Variants in RNPEP observed in about 807,000 individuals in gnomAD.
RNPEP encodes the protein aminopeptidase B.
RNPEP carries 57 observed loss-of-function variants against 70.1 expected under a neutral mutation model. That is an observed-to-expected ratio of 0.81 (90% CI 0.66 to 1.01). The LOEUF is 1.01. Among genes scored for constraint, RNPEP ranks in the 50% least tolerant of loss-of-function variants. The pLI, the probability that RNPEP is intolerant of heterozygous loss-of-function variation, is 0.00. For missense variants in RNPEP, 787 were observed against 852.4 expected, an observed-to-expected ratio of 0.92 and a Z score of 0.96; for synonymous variants, 335 against 357.4, an observed-to-expected ratio of 0.94 and a Z score of 0.71.
chr1:201,992,579 T>C (rs112408381), intron 3 of RNPEP, among the ~76,000 whole-genome samples: 15 of 152,146 alleles, frequency 9.9e-5, no homozygotes, highest in African/African-American at 3.6e-4. Context: ...GCAGCCTCCC[T>C]TCCGGCAAGC....
chr1:201,983,282 T>G lies in RNPEP; in HGVS notation c.447+169T>G, dbSNP rs1683007230. 4 of 1,441,660 alleles carry G rather than the reference T, an allele frequency of 2.8e-6. No homozygotes were observed. The East Asian group carries it at 7.6e-5, about 27-fold the overall frequency. The allele number at this position is 1,441,660 out of a possible 1,614,324, so 89.3% of individuals were successfully genotyped here. On this transcript the variant is annotated intron_variant, in intron 1 of 10. Coordinates refer to ENST00000295640, the MANE Select transcript of RNPEP (RefSeq NM_020216.4). ...CCGCCTCTAGGCCTCCTCCCCTTGC[T>G]TCCTCTTTTCCTCCCGGGCTGCCTG...
At chr1:201,996,507 G>GTGTGTA (rs1290213716) in intron 4 of RNPEP, 1 of 378,274 alleles carries the variant, frequency 2.6e-6, no homozygotes, top group East Asian at 5.6e-5. Context: ...GTGTGTGTGT[G>GTGTGTA]TTTTGAGATG....
Position 201,999,903 on chromosome 1 carries a change from CGCTGCGTA to C in RNPEP, c.1093_1100del (p.Ala365HisfsTer33), listed in dbSNP as rs752261151. ...GGCTTACGTTTGATTCTGCACCAGG[CGCTGCGTA>C]CACCTGCTTGGAGGCTGCAACGGGG... On this transcript the variant is annotated frameshift_variant and splice_region_variant, in exon 6 of 11. Coordinates refer to ENST00000295640, the MANE Select transcript of RNPEP (RefSeq NM_020216.4). LOFTEE classifies it high-confidence loss of function. 1 of 1,612,238 alleles carries C rather than the reference CGCTGCGTA, an allele frequency of 6.2e-7. No homozygotes were observed. The highest frequency in any genetic ancestry group is 1.1e-5 in the South Asian group (1 of 90,716).
chr1:202,001,289 G>T (rs1025543897), intron 6 of RNPEP, 87 bp from the exon 7 acceptor site: 1 of 900,872 alleles, frequency 1.1e-6, no homozygotes, highest in Admixed American at 2.0e-5. Context: ...CTCTTCCATC[G>T]CTAGTCTTTG....
intron 6 of RNPEP, 112 bp downstream of exon 6, chr1:202,000,127 GA>G: frequency 1.3e-6 from 1 of 785,322 alleles, no homozygotes; most frequent in Non-Finnish European, 2.1e-6. Context: ...TATTTGGAGG[GA>G]GGGGCACTCC....
intron 5 of RNPEP, among the ~76,000 whole-genome samples, chr1:201,997,766 G>GTTTT (rs10625357): frequency 0.35 from 48,176 of 138,892 alleles, 9,824 homozygotes; most frequent in Non-Finnish European, 0.44. Flanking sequence ...CAGGTCATTA[G>GTTTT]TTTTTTTTTT....
chr1:202,001,305 G>A, intron 6 of RNPEP, 71 bp from the exon 7 acceptor site: 1 of 1,038,322 alleles, frequency 9.6e-7, no homozygotes, highest in Non-Finnish European at 1.5e-6. Context: ...CTTTGACTGT[G>A]GAGCTAGAGA....
rs1255168395 is a variant in RNPEP, at chr1:202,000,212, G to A, written c.1204+197G>A. 6 of 531,006 alleles carry A rather than the reference G, an allele frequency of 1.1e-5. No individual in the cohort carries two copies. The East Asian group carries it at 1.2e-4, about 11-fold the overall frequency. 32.9% of individuals were successfully genotyped at this position (531,006 alleles called of 1,614,324 possible). A position where few individuals can be genotyped will look rare whatever the true frequency, so the allele number is the denominator to read the frequency against. On this transcript the variant is annotated intron_variant, in intron 6 of 10. Transcript: ENST00000295640. ...GCCATTGCAGCCAGATAGGAGTTCT[G>A]TCCAGTCTGTGCGGTTCGTGATGAC...
chr1:201,989,689 G>A (rs2102965706), intron 3 of RNPEP, among the ~76,000 whole-genome samples, 158 bp downstream of exon 3: 2 of 152,240 alleles, frequency 1.3e-5, no homozygotes, highest in Middle Eastern at 3.4e-3. Context: ...ACAGCTGGAG[G>A]AAGTGCTCTT....
intron 5 of RNPEP, among the ~76,000 whole-genome samples, chr1:201,998,098 T>G (rs1683634059): frequency 6.6e-6 from 1 of 152,188 alleles, no homozygotes; most frequent in Non-Finnish European, 1.5e-5. Flanking sequence ...TATATGGATG[T>G]TTTTTAATTT....
Position 201,982,908 on chromosome 1 carries a change from A to C in RNPEP, c.242A>C (p.Asp81Ala). 1 of 1,463,658 alleles carries C rather than the reference A, an allele frequency of 6.8e-7. No individual in the cohort carries two copies. Among genetic ancestry groups the C allele is most frequent in the Non-Finnish European group, 9.0e-7 (1 of 1,112,500 alleles). The allele number at this position is 1,463,658 out of a possible 1,614,324, so 90.7% of individuals were successfully genotyped here. A position where few individuals can be genotyped will look rare whatever the true frequency, so the allele number is the denominator to read the frequency against. The change falls in exon 1 of 11, where the codon GAC (aspartate) becomes GCC (alanine). Residue 81 changes from aspartate (D) to alanine (A), a missense_variant. By Grantham distance (126) the Asp-to-Ala change is moderately radical. Transcript: ENST00000295640. ...GAGGGCGCCGCCGAGCTGCGGCTGG[A>C]CTCGCACCCGTGCCTGGAGGTGACG... is the stretch of plus-strand genomic sequence containing the variant. ...EPEGAAELRL[D>A]SHPCLEVTAA...
At chr1:201,987,428 CTTTTTTTTTTTTTTT>C (rs200892295) in intron 1 of RNPEP, among the ~76,000 whole-genome samples, 1 of 111,968 alleles carries the variant, frequency 8.9e-6, no homozygotes. Flanking sequence ...TCAGATTTTA[CTTTTTTTTTTTTTTT>C]TTTTTTTTTT....
chr1:201,983,219 C>T, intron 1 of RNPEP, 106 bp downstream of exon 1: 1 of 1,423,594 alleles, frequency 7.0e-7, no homozygotes, highest in Non-Finnish European at 9.1e-7. Context: ...AGGGAGGACC[C>T]TTCCAGAGCG....
Position 201,982,813 on chromosome 1 carries a change from T to G in RNPEP, c.147T>G (p.Pro49=). ...TGGACCTGCGGGCTGAGTTCGGGCC[T>G]CCAGGGCCCGGCGCAGGGAGCCGGG... is the stretch of plus-strand genomic sequence containing the variant. ...LHLDLRAEFG[P]PGPGAGSRGL... is the part of the protein sequence containing the mutation. The change falls in exon 1 of 11, where the codon CCT becomes CCG. Residue 49 remains proline, a synonymous_variant. Coordinates refer to ENST00000295640, the MANE Select transcript of RNPEP (RefSeq NM_020216.4). 1 of 1,333,992 alleles carries G rather than the reference T, an allele frequency of 7.5e-7. No homozygotes were observed. Among genetic ancestry groups the G allele is most frequent in the Non-Finnish European group, 9.6e-7 (1 of 1,042,194 alleles). The allele number at this position is 1,333,992 out of a possible 1,614,324, so 82.6% of individuals were successfully genotyped here.
rs762221933 is a variant in RNPEP at position 202,000,040 on chromosome 1, A to T, written c.1204+25A>T. 7.8e-6 allele frequency: 12 copies of T among 1,538,798 alleles called. No individual in the cohort carries two copies. The Admixed American group carries it at 8.5e-5, about 11-fold the overall frequency. On this transcript the variant is annotated intron_variant, in intron 6 of 10. Transcript: ENST00000295640. ...GGTCCAGGAGGCTCCTCTGTCTGAC[A>T]CCCACTCCCCTCAATTGAGCTTGGA...
Position 202,004,317 on chromosome 1 carries a change from C to G in RNPEP, c.1652-37C>G, listed in dbSNP as rs146886204. On this transcript the variant is annotated intron_variant, in intron 9 of 10. Coordinates refer to ENST00000295640, the MANE Select transcript of RNPEP (RefSeq NM_020216.4). Reference sequence around the variant, plus strand: ...TTCTAGTATTACAGGTGTGACCCACCGTGACCAGCCACAAACCATTTCTTT... The same window carrying G: ...TTCTAGTATTACAGGTGTGACCCACGGTGACCAGCCACAAACCATTTCTTT... 2.5e-6 allele frequency: 4 copies of G among 1,611,866 alleles called. 1 individual carries two copies. The Middle Eastern group carries it at 5.0e-4, about 200-fold the overall frequency.
At chr1:201,983,410 G>A (rs1391216111) in intron 1 of RNPEP, 7 of 1,485,566 alleles carry the variant, frequency 4.7e-6, no homozygotes, top group Admixed American at 4.1e-5. Flanking sequence ...AGATTGCGCC[G>A]CATTCCCGCT....
In RNPEP at chr1:202,006,018, A is replaced by G. The variant is rs1571654794; in HGVS notation, c.*302A>G. On this transcript the variant is annotated 3_prime_UTR_variant, in exon 11 of 11. Coordinates refer to ENST00000295640, the MANE Select transcript of RNPEP (RefSeq NM_020216.4). ...AAGTCTCTGGGAAGAAGTGGAGAGG[A>G]CTGATGCTCTTCTTTTTTCTCTTTC... 12 of 329,882 alleles carry G rather than the reference A, an allele frequency of 3.6e-5. No individual in the cohort carries two copies. The East Asian group carries it at 5.6e-4, about 15-fold the overall frequency. The allele number at this position is 329,882 out of a possible 1,614,324, so 20.4% of individuals were successfully genotyped here.
rs1682990544 is a variant in RNPEP, at chr1:201,982,928, G to T, written c.262G>T (p.Val88Leu). ...GCTGGACTCGCACCCGTGCCTGGAG[G>T]TGACGGCGGCGGCGCTGCGGCGGGA... ...LRLDSHPCLE[V>L]TAAALRRERP... The change falls in exon 1 of 11, where the codon GTG becomes TTG. Residue 88 changes from valine (V) to leucine (L), a missense_variant. Val to Leu is a conservative substitution (Grantham distance 32). Transcript: ENST00000295640. 1.3e-6 allele frequency: 2 copies of T among 1,486,950 alleles called. No homozygotes were observed. The highest frequency in any genetic ancestry group is 8.9e-7 in the Non-Finnish European group (1 of 1,121,896). The allele number at this position is 1,486,950 out of a possible 1,614,324, so 92.1% of individuals were successfully genotyped here.
Sources: gnomAD v4.1 joint callset for allele counts (sites outside exome capture counted in the v4.1 genomes callset) on GRCh38, gnomAD v4.1.1 for gene constraint, MANE v1.5 for transcripts, NCBI Gene and HGNC (gene_info 2026-07-23, HGNC 2026-07-21) for gene names.